KCTD3: variants seen among roughly 807,000 people sequenced by gnomAD.
The protein encoded by KCTD3 is BTB/POZ domain-containing protein KCTD3.
A neutral mutation model predicts 85.8 loss-of-function variants in KCTD3; 41 were observed. The ratio of observed to expected loss-of-function variants is 0.48; its 90% CI spans 0.37 to 0.62. The LOEUF is 0.62. Among genes scored for constraint, KCTD3 ranks in the 20% least tolerant of loss-of-function variants. KCTD3 has a pLI of 0.00. For synonymous variants in KCTD3, 338 were observed against 345.4 expected (o/e 0.98, Z 0.24); for missense variants, 724 against 989.9 (o/e 0.73, Z 3.60).
At chr1:215,583,686 G>A (rs1343489431) in intron 8 of KCTD3, among the ~76,000 whole-genome samples, 1 of 152,062 alleles carries the variant, frequency 6.6e-6, no homozygotes, top group African/African-American at 2.4e-5. Flanking sequence ...CTTTTACAAG[G>A]GTACTCTTAA....
At chr1:215,595,229 C>A in intron 9 of KCTD3, 127 bp from the exon 10 acceptor site, 1 of 622,924 alleles carries the variant, frequency 1.6e-6, no homozygotes, top group Non-Finnish European at 2.9e-6. Context: ...GTCCCCAACA[C>A]GTATAGCACA....
At chr1:215,613,883 C>G (rs1225237490) in intron 15 of KCTD3, among the ~76,000 whole-genome samples, 1 of 151,782 alleles carries the variant, frequency 6.6e-6, no homozygotes, top group Non-Finnish European at 1.5e-5. Context: ...CGGTACCATG[C>G]TGTTTTGGTT....
chr1:215,604,912 A>T (rs1558241512), intron 13 of KCTD3, among the ~76,000 whole-genome samples: 2 of 151,964 alleles, frequency 1.3e-5, no homozygotes, highest in African/African-American at 4.8e-5. Context: ...AGTTCTTCAT[A>T]ATATAAAATT....
At chr1:215,577,295 A>G (rs569428143) in intron 4 of KCTD3, among the ~76,000 whole-genome samples, 1 of 152,290 alleles carries the variant, frequency 6.6e-6, no homozygotes, top group South Asian at 2.1e-4. Flanking sequence ...ATAGATATGT[A>G]TAGAAATAAT....
intron 8 of KCTD3, among the ~76,000 whole-genome samples, chr1:215,581,702 A>C (rs1302012192): frequency 2.0e-5 from 3 of 152,224 alleles, no homozygotes; most frequent in Non-Finnish European, 2.9e-5. Context: ...CTGTGCTTTC[A>C]CCAAGTGTCT....
At chr1:215,589,489 A>G (rs1660136036) in intron 9 of KCTD3, among the ~76,000 whole-genome samples, 2 of 152,174 alleles carry the variant, frequency 1.3e-5, no homozygotes, top group Admixed American at 1.3e-4. Context: ...GTGAACCTAC[A>G]ACCGATAGAT....
intron 6 of KCTD3, 60 bp downstream of exon 6, chr1:215,578,141 A>G (rs1371816307): frequency 3.7e-5 from 51 of 1,387,360 alleles, no homozygotes; most frequent in Non-Finnish European, 4.7e-5. Context: ...AAGTACAAGC[A>G]TATGAATAGG....
intron 15 of KCTD3, among the ~76,000 whole-genome samples, chr1:215,615,722 G>T (rs780454913): frequency 3.9e-5 from 6 of 151,982 alleles, no homozygotes; most frequent in Non-Finnish European, 5.9e-5. Context: ...TTTAACAAAA[G>T]ATAGGCTAGC....
rs570940875 is a variant in KCTD3, at chr1:215,614,857, T to C, written c.1562+2936T>C. On this transcript the variant is annotated intron_variant, in intron 15 of 17. Transcript: ENST00000259154. The stretch of plus-strand genomic sequence containing the variant: ...TGATGAATAAATTCTTTGAGATGAA[T>C]TTTTTACATCAAAGTTCATTATCAA... Among the ~76,000 whole-genome samples, 3 of 152,320 alleles carry C rather than the reference T, an allele frequency of 2.0e-5. No homozygotes were observed. The East Asian group carries it at 5.8e-4, about 29-fold the overall frequency.
intron 8 of KCTD3, among the ~76,000 whole-genome samples, chr1:215,585,402 G>A (rs1337700540): frequency 6.6e-6 from 1 of 152,108 alleles, no homozygotes. Flanking sequence ...ATGAATTACA[G>A]TTGTATTACT....
chr1:215,604,701 ATATT>A (rs1654949180), intron 13 of KCTD3, among the ~76,000 whole-genome samples: 1 of 150,906 alleles, frequency 6.6e-6, no homozygotes, highest in African/African-American at 2.4e-5. Context: ...TTATTGCAAA[ATATT>A]TATTATGACC....
chr1:215,595,105 A>C (rs1459682031), intron 9 of KCTD3, among the ~76,000 whole-genome samples: 1 of 152,184 alleles, frequency 6.6e-6, no homozygotes, highest in East Asian at 1.9e-4. Context: ...TGAGGTTAGG[A>C]ACCAAGCTTC....
intron 1 of KCTD3, among the ~76,000 whole-genome samples, chr1:215,573,574 G>T (rs532301491): frequency 6.6e-6 from 1 of 152,132 alleles, no homozygotes; most frequent in Non-Finnish European, 1.5e-5. Flanking sequence ...CGGATAACAA[G>T]TTGTTTATTG....
intron 8 of KCTD3, among the ~76,000 whole-genome samples, chr1:215,583,572 GAATGCCTAACCTCCTGGGAAT>G (rs1659903167): frequency 6.6e-6 from 1 of 152,118 alleles, no homozygotes; most frequent in Non-Finnish European, 1.5e-5. Flanking sequence ...CTGTGACTAA[GAATGCCTAACCTCCTGGGAAT>G]GCAGCCCAGC....
intron 8 of KCTD3, among the ~76,000 whole-genome samples, chr1:215,583,231 A>G (rs1349166200): frequency 6.6e-6 from 1 of 152,086 alleles, no homozygotes; most frequent in African/African-American, 2.4e-5. Flanking sequence ...ACTTACAGTT[A>G]TTTCTTGATT....
At chr1:215,575,433 T>C (rs993262753) in intron 3 of KCTD3, among the ~76,000 whole-genome samples, 1 of 152,228 alleles carries the variant, frequency 6.6e-6, no homozygotes, top group Non-Finnish European at 1.5e-5. Context: ...TTTTCCACTT[T>C]TGACAGCAGT....
At chr1:215,580,164 A>G (rs186155074) in intron 8 of KCTD3, among the ~76,000 whole-genome samples, 165 bp downstream of exon 8, 2 of 152,166 alleles carry the variant, frequency 1.3e-5, no homozygotes, top group Non-Finnish European at 2.9e-5. Context: ...GTGTACTTTT[A>G]TTTTCACAGC....
rs756585074 is a variant in KCTD3, at chr1:215,579,108, C to G, written c.506C>G (p.Ser169Cys). Residue 169 changes from serine (S) to cysteine (C), a missense_variant, in exon 7 of 18, where the codon TCT (serine) becomes TGT (cysteine). Ser to Cys is a moderately radical substitution (Grantham distance 112, BLOSUM62 -1). This residue lies in a region of KCTD3 where 106 missense variants were observed against 98.2 expected (regional missense o/e 1.08). Transcript: ENST00000259154. Reference sequence around the variant, plus strand: ...GGAAATGGTACACAGCCTGTTCTCTCTGGAACGGGAGAAGAAACTGTTAGG... The same window carrying G: ...GGAAATGGTACACAGCCTGTTCTCTGTGGAACGGGAGAAGAAACTGTTAGG... ...ARGNGTQPVL[S>C]GTGEETVRLG... The G allele has an allele frequency of 5.6e-6, 9 of 1,609,636 alleles. No homozygotes were observed. The highest frequency in any genetic ancestry group is 7.6e-6 in the Non-Finnish European group (9 of 1,178,362).
chr1:215,614,025 T>G (rs59592478), intron 15 of KCTD3, among the ~76,000 whole-genome samples: 12 of 128,816 alleles, frequency 9.3e-5, no homozygotes, highest in South Asian at 2.8e-4. Context: ...ATAGTTTTTT[T>G]TTTTTTTTTT....
Sources: gnomAD v4.1 joint callset for allele counts (sites outside exome capture counted in the v4.1 genomes callset) on GRCh38, gnomAD v4.1.1 for gene constraint, gnomAD v4.1.1 regional missense constraint, MANE v1.5 for transcripts, NCBI Gene and HGNC (gene_info 2026-07-23, HGNC 2026-07-21) for gene names.